The following HSD11B1 variants were observed in gnomAD, a reference collection of about 807,000 sequenced individuals.
HSD11B1 encodes the protein hydroxysteroid 11-beta dehydrogenase 1.
HSD11B1 carries 15 observed loss-of-function variants against 22.1 expected under a neutral mutation model. The observed-to-expected ratio is 0.68, with a 90% CI of 0.45 to 1.04. The LOEUF (loss-of-function observed/expected upper bound fraction) is 1.04. Among genes scored for constraint, HSD11B1 ranks in the 50% least tolerant of loss-of-function variants. The pLI, the probability that HSD11B1 is intolerant of heterozygous loss-of-function variation, is 0.00. For synonymous variants in HSD11B1, 122 were observed against 125.2 expected (o/e 0.97, Z 0.17); for missense variants, 281 against 357.6 (o/e 0.79, Z 1.73).
At chr1:209,723,284 C>T (rs1487957135) in intron 4 of HSD11B1, among the ~76,000 whole-genome samples, 2 of 152,160 alleles carry the variant, frequency 1.3e-5, no homozygotes. Context: ...CTCAGGCTTC[C>T]GACCCCCTCA....
chr1:209,692,465 A>G (rs190725313), intron 1 of HSD11B1, among the ~76,000 whole-genome samples: 130 of 152,192 alleles, frequency 8.5e-4, no homozygotes, highest in African/African-American at 3.1e-3. Context: ...AAGAGGAAAC[A>G]TCAAGGTTGG....
At chr1:209,697,758 A>G (rs572479690) in intron 1 of HSD11B1, among the ~76,000 whole-genome samples, 1 of 152,072 alleles carries the variant, frequency 6.6e-6, no homozygotes, top group African/African-American at 2.4e-5. Flanking sequence ...TTTTGTCCAC[A>G]CCTGAGACCA....
chr1:209,718,372 C>T (rs1284121054), intron 4 of HSD11B1, among the ~76,000 whole-genome samples: 1 of 152,140 alleles, frequency 6.6e-6, no homozygotes, highest in East Asian at 1.9e-4. Context: ...TATTACGTAT[C>T]AACTTAAATT....
chr1:209,733,160 A>G (rs1406728976), intron 5 of HSD11B1, among the ~76,000 whole-genome samples: 1 of 152,214 alleles, frequency 6.6e-6, no homozygotes, highest in African/African-American at 2.4e-5. Flanking sequence ...ACTTATCAAA[A>G]TACAAGTTTG....
At chr1:209,700,330 C>T (rs777893437), upstream of HSD11B1, among the ~76,000 whole-genome samples, 1 of 152,242 alleles carries the variant, frequency 6.6e-6, no homozygotes. Context: ...TTTCTGTGCA[C>T]CATGTGGAAG....
intron 4 of HSD11B1, among the ~76,000 whole-genome samples, chr1:209,713,429 T>C (rs910606924): frequency 2.6e-5 from 4 of 152,224 alleles, no homozygotes; most frequent in Non-Finnish European, 4.4e-5. Flanking sequence ...CATAGAAACA[T>C]TTCAATAAGT....
At chr1:209,704,278 G>A (rs891809380), upstream of HSD11B1, among the ~76,000 whole-genome samples, 1 of 152,084 alleles carries the variant, frequency 6.6e-6, no homozygotes, top group Non-Finnish European at 1.5e-5. Flanking sequence ...CCGCCATCTG[G>A]GTTCTGGCTG....
At chr1:209,720,528 A>G (rs2076958709) in intron 4 of HSD11B1, among the ~76,000 whole-genome samples, 1 of 150,634 alleles carries the variant, frequency 6.6e-6, no homozygotes, top group Non-Finnish European at 1.5e-5. Flanking sequence ...ATTTATAAAC[A>G]TTTAACCACC....
chr1:209,707,577 T>C (rs1345739045), intron 4 of HSD11B1, among the ~76,000 whole-genome samples: 1 of 152,118 alleles, frequency 6.6e-6, no homozygotes, highest in Non-Finnish European at 1.5e-5. Context: ...GAGACACTGT[T>C]ACAAACTAGT....
chr1:209,689,175 C>T (rs2076744975), intron 1 of HSD11B1, among the ~76,000 whole-genome samples: 1 of 152,090 alleles, frequency 6.6e-6, no homozygotes, highest in African/African-American at 2.4e-5. Flanking sequence ...ATGAGATTCC[C>T]CAGCCCATTT....
chr1:209,699,970 T>C (rs1481152856), upstream of HSD11B1, among the ~76,000 whole-genome samples: 1 of 152,180 alleles, frequency 6.6e-6, no homozygotes, highest in Non-Finnish European at 1.5e-5. Flanking sequence ...TGGGTTCCCA[T>C]GGTCTTGGGC....
At chr1:209,718,448 C>T (rs1251292430) in intron 4 of HSD11B1, among the ~76,000 whole-genome samples, 1 of 152,048 alleles carries the variant, frequency 6.6e-6, no homozygotes, top group African/African-American at 2.4e-5. Context: ...AACAAGTGGC[C>T]AGTGAGCACA....
intron 4 of HSD11B1, among the ~76,000 whole-genome samples, chr1:209,711,003 C>T (rs1228479953): frequency 1.3e-5 from 2 of 152,130 alleles, no homozygotes; most frequent in African/African-American, 4.8e-5. Flanking sequence ...AGTTGACTAG[C>T]CGGGGGCAAA....
intron 1 of HSD11B1, chr1:209,686,345 T>C (rs922699990): frequency 6.6e-6 from 1 of 152,200 alleles, no homozygotes; most frequent in African/African-American, 2.4e-5. Context: ...CAGGGCCTAG[T>C]ACATAGTAGG....
In HSD11B1 at chr1:209,704,914, C is replaced by G; in HGVS notation, c.-29C>G. On this transcript the variant is annotated 5_prime_UTR_variant, in exon 1 of 6. Transcript: ENST00000367027. ...CTGTAGGTTCTCTCTGTGTGTCCTACAGGAGTCTTCAGGCCAGCTCCCTGT... is the reference window on the plus strand; with the variant it reads ...CTGTAGGTTCTCTCTGTGTGTCCTAGAGGAGTCTTCAGGCCAGCTCCCTGT... 6.4e-7 allele frequency: 1 copy of G among 1,562,972 alleles called. No individual in the cohort carries two copies. Among genetic ancestry groups the G allele is most frequent in the South Asian group, 1.1e-5 (1 of 90,072 alleles).
chr1:209,718,494 A>G (rs1223400138), intron 4 of HSD11B1, among the ~76,000 whole-genome samples: 1 of 152,178 alleles, frequency 6.6e-6, no homozygotes, highest in Non-Finnish European at 1.5e-5. Flanking sequence ...CATTAGGGAA[A>G]TGCAAATTGA....
Position 209,734,540 on chromosome 1 carries a change from G to T in HSD11B1, c.*19G>T, listed in dbSNP as rs760244419. ...CAAGTAGGAACTCCCTGAGGGCTGG[G>T]CATGCTGAGGGATTTTGGGACTGTT... is the stretch of plus-strand genomic sequence containing the variant. On this transcript the variant is annotated 3_prime_UTR_variant, in exon 6 of 6. Transcript: ENST00000367027. 32 of 1,563,896 alleles carry T rather than the reference G, an allele frequency of 2.0e-5. No homozygotes were observed. In the South Asian group the frequency reaches 3.4e-4, roughly 17 times the overall value.
intron 4 of HSD11B1, among the ~76,000 whole-genome samples, chr1:209,730,995 G>C (rs79256124): frequency 1.4e-4 from 21 of 152,178 alleles, no homozygotes; most frequent in Non-Finnish European, 2.9e-4. Flanking sequence ...TATAGCTTTA[G>C]GCCTAAGGGC....
intron 1 of HSD11B1, among the ~76,000 whole-genome samples, chr1:209,696,186 GGGGCTGGGGGT>G (rs2076790280): frequency 6.6e-6 from 1 of 152,206 alleles, no homozygotes; most frequent in Admixed American, 6.5e-5. Flanking sequence ...CTGGTTGCCT[GGGGCTGGGGGT>G]GGAAACAGGG....
Sources: allele counts gnomAD v4.1 joint callset (sites outside exome capture counted in the v4.1 genomes callset), GRCh38; gene constraint gnomAD v4.1.1; transcripts MANE v1.5; gene names NCBI Gene and HGNC (gene_info 2026-07-23, HGNC 2026-07-21).